The following ZFHX3 variants were observed in gnomAD, a reference collection of about 807,000 sequenced individuals.
ZFHX3 encodes the protein zinc finger homeobox 3.
A neutral mutation model predicts 279.1 loss-of-function variants in ZFHX3; 42 were observed. The ratio of observed to expected loss-of-function variants is 0.15; its 90% CI spans 0.12 to 0.19. The LOEUF is 0.19. Ranked by LOEUF, ZFHX3 falls within the 10% of genes least tolerant of loss-of-function variation. The pLI is 1.00. For missense variants in ZFHX3, 4,981 were observed against 4,754.0 expected (o/e 1.05, Z -1.40); for synonymous variants, 2,293 against 1,957.8 (o/e 1.17, Z -4.52).
rs1960967090 is a variant in ZFHX3, at chr16:72,950,945, C to G, written c.2740G>C (p.Asp914His). The change falls in exon 3 of 10, where the codon GAC becomes CAC. Residue 914 changes from aspartate to histidine, a missense_variant. By Grantham distance (81) the Asp-to-His change is moderately conservative. Around this residue, in one of 7 missense-constraint regions of ZFHX3, gnomAD observed 1,751 missense variants for 1,770.0 expected, o/e 0.99. Transcript: ENST00000268489. ...AGCTGCCCGCCCCCGAGCCGCATGT[C>G]TAGGGGGATCTCACCGCCCACTGCA... ...PALVGGEIPL[D>H]MRLGGGQLVS... 6.2e-6 allele frequency: 10 copies of G among 1,612,836 alleles called. No homozygotes were observed. In the East Asian group the frequency reaches 2.2e-4, roughly 36 times the overall value.
At chr16:73,743,329 C>G (rs17326438) in intron 1 of ZFHX3, among the ~76,000 whole-genome samples, 18,960 of 152,214 alleles carry the variant, frequency 0.12, 1,183 homozygotes, top group South Asian at 0.14. Context: ...CAAATTCCCA[C>G]TTTGGGATGT....
intron 2 of ZFHX3, among the ~76,000 whole-genome samples, chr16:73,581,156 G>A (rs1008275452): frequency 9.9e-5 from 15 of 151,198 alleles, no homozygotes; most frequent in East Asian, 3.9e-4. Flanking sequence ...ATTAAGCAAC[G>A]GTCAAACTAC....
At chr16:73,377,454 G>C (rs1255997345) in intron 3 of ZFHX3, among the ~76,000 whole-genome samples, 4 of 152,076 alleles carry the variant, frequency 2.6e-5, no homozygotes, top group Non-Finnish European at 5.9e-5. Flanking sequence ...ACAGAACTAA[G>C]AGCACAGAAA....
chr16:72,871,777 A>G (rs1295650451), intron 4 of ZFHX3, among the ~76,000 whole-genome samples: 1 of 151,836 alleles, frequency 6.6e-6, no homozygotes, highest in Non-Finnish European at 1.5e-5. Context: ...AAGCCTGGCC[A>G]AAATTTTAAA....
At chr16:73,413,398 T>C (rs1381469215) in intron 3 of ZFHX3, among the ~76,000 whole-genome samples, 1 of 152,126 alleles carries the variant, frequency 6.6e-6, no homozygotes, top group Non-Finnish European at 1.5e-5. Context: ...GAGTTGGGAC[T>C]GTGTTGGAGA....
chr16:73,800,808 A>G (rs1960124287), intron 1 of ZFHX3, among the ~76,000 whole-genome samples: 2 of 152,066 alleles, frequency 1.3e-5, no homozygotes, highest in Admixed American at 6.6e-5. Flanking sequence ...GACTCCGTCT[A>G]CCCCCAAAAG....
At chr16:73,582,007 G>T (rs1375835890) in intron 2 of ZFHX3, among the ~76,000 whole-genome samples, 1 of 151,786 alleles carries the variant, frequency 6.6e-6, no homozygotes, top group Admixed American at 6.6e-5. Context: ...ATCGTGAACT[G>T]GGTAGGTATA....
rs1475232597 is a variant in ZFHX3, at chr16:72,793,779, T to C, written c.8903A>G (p.Tyr2968Cys). The C allele has an allele frequency of 1.9e-6, 3 of 1,614,056 alleles. No individual in the cohort carries two copies. Among genetic ancestry groups the C allele is most frequent in the South Asian group, 1.1e-5 (1 of 91,084 alleles). ...LKVLKSCFND[Y>C]RTPTMLECEV... ...ACATTCTAGCATAGTGGGTGTCCTG[T>C]AGTCATTAAAGCATGACTTGAGGAC... The change falls in exon 9 of 10, where the codon TAC becomes TGC. Residue 2968 changes from tyrosine (Y) to cysteine (C), a missense_variant. Around this residue, in one of 7 missense-constraint regions of ZFHX3, gnomAD observed 168 missense variants for 249.1 expected, o/e 0.67. Coordinates refer to ENST00000268489, the MANE Select transcript of ZFHX3 (RefSeq NM_006885.4). This position sits in a 1 kb window ranked among gnomAD's most constrained non-coding sequence, Gnocchi z 4.3.
intron 4 of ZFHX3, among the ~76,000 whole-genome samples, chr16:73,303,033 CTTT>C (rs35496023): frequency 6.8e-6 from 1 of 147,062 alleles, no homozygotes; most frequent in Admixed American, 6.8e-5. Flanking sequence ...GCAATGGAGA[CTTT>C]TTTTTTTTTT....
chr16:73,217,436 G>T (rs1224949861), intron 5 of ZFHX3, among the ~76,000 whole-genome samples: 3 of 152,126 alleles, frequency 2.0e-5, no homozygotes, highest in Non-Finnish European at 4.4e-5. Context: ...GCCCACAGGG[G>T]TTTGGTATTT....
chr16:73,009,670 AT>A (rs2144619150), intron 1 of ZFHX3, among the ~76,000 whole-genome samples: 2 of 152,266 alleles, frequency 1.3e-5, no homozygotes, highest in East Asian at 3.9e-4. Flanking sequence ...CAAAACCTCC[AT>A]CCCCCAGCAG....
chr16:73,284,638 C>T (rs1252906206), intron 4 of ZFHX3, among the ~76,000 whole-genome samples: 1 of 151,988 alleles, frequency 6.6e-6, no homozygotes, highest in Non-Finnish European at 1.5e-5. Flanking sequence ...TTTTATAAGT[C>T]TCTGTTTTTT....
At chr16:73,770,404 T>A (rs2054004556) in intron 1 of ZFHX3, among the ~76,000 whole-genome samples, 2 of 152,210 alleles carry the variant, frequency 1.3e-5, no homozygotes, top group South Asian at 4.1e-4. Context: ...ACTTCTAAAG[T>A]CCAGAACTAT....
chr16:73,350,029 G>A (rs2016209452), intron 3 of ZFHX3, among the ~76,000 whole-genome samples: 1 of 151,400 alleles, frequency 6.6e-6, no homozygotes, highest in Admixed American at 6.6e-5. Flanking sequence ...AACTGGCAAG[G>A]CAGAAGCCTT....
intron 3 of ZFHX3, among the ~76,000 whole-genome samples, chr16:73,407,379 G>T (rs904126249): frequency 6.6e-6 from 1 of 152,214 alleles, no homozygotes; most frequent in Non-Finnish European, 1.5e-5. Flanking sequence ...CCACTGAATG[G>T]TGGTTCACCC....
intron 1 of ZFHX3, among the ~76,000 whole-genome samples, chr16:73,759,726 T>C (rs2053844062): frequency 6.6e-6 from 1 of 152,190 alleles, no homozygotes; most frequent in South Asian, 2.1e-4. Context: ...GAGGATACTT[T>C]GGTTTCCAGT....
At chr16:73,570,217 T>A (rs1409006763) in intron 2 of ZFHX3, among the ~76,000 whole-genome samples, 1 of 152,186 alleles carries the variant, frequency 6.6e-6, no homozygotes, top group Admixed American at 6.5e-5. Context: ...AAAGTTAACA[T>A]ATTCAGAAAA....
At chr16:73,804,143 C>A (rs762446928) in intron 1 of ZFHX3, among the ~76,000 whole-genome samples, 13 of 152,092 alleles carry the variant, frequency 8.5e-5, no homozygotes, top group Non-Finnish European at 1.3e-4. Context: ...GATGCCAGAG[C>A]AGACCCTGTC....
chr16:73,403,167 A>T, intron 3 of ZFHX3, among the ~76,000 whole-genome samples: 1 of 152,058 alleles, frequency 6.6e-6, no homozygotes, highest in Admixed American at 6.6e-5. Flanking sequence ...TTGAGGGAGC[A>T]TTTTCAGAAA....
Sources: allele counts gnomAD v4.1 joint callset (sites outside exome capture counted in the v4.1 genomes callset), GRCh38; gene constraint gnomAD v4.1.1; regional missense constraint gnomAD v4.1.1; non-coding constraint Gnocchi (gnomAD v3.1); transcripts MANE v1.5; gene names NCBI Gene and HGNC (gene_info 2026-07-23, HGNC 2026-07-21).